The following DHRS12 variants were observed in gnomAD, a reference collection of about 807,000 sequenced individuals.
The protein encoded by DHRS12 is dehydrogenase/reductase 12, also known as dehydrogenase/reductase SDR family member 12.
In DHRS12, 29 loss-of-function variants were observed where a neutral mutation model predicts 32.1. That is an observed-to-expected ratio of 0.90 (90% CI 0.67 to 1.23). DHRS12 has a LOEUF of 1.23. DHRS12 is among the 50% of genes most tolerant of loss of function. DHRS12 has a pLI of 0.00. For synonymous variants in DHRS12, 150 were observed against 135.9 expected, an observed-to-expected ratio of 1.10 and a Z score of -0.72; for missense variants, 330 against 337.2, an observed-to-expected ratio of 0.98 and a Z score of 0.17.
At chr13:51,763,191 C>G (rs1159290626), downstream of DHRS12, 1 of 152,130 alleles carries the variant, frequency 6.6e-6, no homozygotes, top group East Asian at 1.9e-4. Context: ...TTGAACATTA[C>G]TTAGTAATGG....
At chr13:51,803,372 T>G (rs901463360) in intron 1 of DHRS12, among the ~76,000 whole-genome samples, 9 of 152,236 alleles carry the variant, frequency 5.9e-5, no homozygotes, top group Admixed American at 5.9e-4. Context: ...CGCCCAGTGA[T>G]TCTGATGTGC....
downstream of DHRS12, chr13:51,767,129 T>G (rs9596570): frequency 1.3e-5 from 2 of 152,228 alleles, no homozygotes; most frequent in Non-Finnish European, 2.9e-5. Flanking sequence ...ACTTGTGAGG[T>G]TCATTTTATG....
chr13:51,797,842 C>T (rs1379925765), intron 2 of DHRS12: 2 of 1,535,450 alleles, frequency 1.3e-6, no homozygotes, highest in Non-Finnish European at 1.7e-6. Context: ...ACCGCTCTCC[C>T]GGATGATCTC....
chr13:51,767,781 CG>C (rs71085096), downstream of DHRS12: 64 of 4,690 alleles, frequency 0.014, 2 homozygotes, highest in African/African-American at 0.042. Context: ...TCTCCTGGGG[CG>C]GGGGGGGGGG....
Position 51,774,034 on chromosome 13 carries a change from T to A in DHRS12, c.364A>T (p.Ile122Leu). The change falls in exon 6 of 9, where the codon ATA becomes TTA. Residue 122 changes from isoleucine to leucine, a missense_variant and splice_region_variant. Ile to Leu is a conservative substitution (Grantham distance 5). Coordinates refer to ENST00000444610, the MANE Select transcript of DHRS12 (RefSeq NM_001377533.1). ...VLEKEHDPRV[I>L]TVSSGGMLVQ... ...AACATTCCTCCTGAGGAGACGGTTATCTGCAATAAAGGTAACAGAGATTTA... is the reference window on the plus strand; with the variant it reads ...AACATTCCTCCTGAGGAGACGGTTAACTGCAATAAAGGTAACAGAGATTTA... 3.1e-6 allele frequency: 5 copies of A among 1,613,496 alleles called. No homozygotes were observed. Among genetic ancestry groups the A allele is most frequent in the Non-Finnish European group, 4.2e-6 (5 of 1,179,540 alleles).
chr13:51,797,404 A>G (rs1184002291), intron 2 of DHRS12, among the ~76,000 whole-genome samples: 2 of 152,196 alleles, frequency 1.3e-5, no homozygotes, highest in Non-Finnish European at 2.9e-5. Flanking sequence ...TCGTGTCAGA[A>G]AGTAGCTCTC....
chr13:51,796,838 T>A (rs1425168587), intron 2 of DHRS12, among the ~76,000 whole-genome samples: 1 of 152,144 alleles, frequency 6.6e-6, no homozygotes, highest in Non-Finnish European at 1.5e-5. Context: ...GCACTAAGCC[T>A]CTGTAAGGCA....
chr13:51,804,067 G>C lies in DHRS12; in HGVS notation c.-22C>G. ...GCGCCGCCTTACTTGGTGTACTCGC[G>C]CAGCCCCTTGGCGAACCACACGACG... On this transcript the variant is annotated 5_prime_UTR_variant, in exon 1 of 9. Transcript: ENST00000444610. 6.7e-7 allele frequency: 1 copy of C among 1,488,382 alleles called. No homozygotes were observed. The highest frequency in any genetic ancestry group is 8.9e-7 in the Non-Finnish European group (1 of 1,126,036). The allele number at this position is 1,488,382 out of a possible 1,614,324, so 92.2% of individuals were successfully genotyped here. A position where few individuals can be genotyped will look rare whatever the true frequency, so the allele number is the denominator to read the frequency against.
At chr13:51,767,356 T>A (rs1387355415), downstream of DHRS12, 1 of 152,238 alleles carries the variant, frequency 6.6e-6, no homozygotes, top group Non-Finnish European at 1.5e-5. Flanking sequence ...AAGACGCTGA[T>A]GTTTCAGGCT....
intron 2 of DHRS12, among the ~76,000 whole-genome samples, chr13:51,795,862 C>G (rs1051906270): frequency 1.3e-5 from 2 of 152,142 alleles, no homozygotes; most frequent in African/African-American, 2.4e-5. Flanking sequence ...CCTTGGGGTT[C>G]ATACTATTTG....
chr13:51,769,041 AC>A, intron 8 of DHRS12, 114 bp downstream of exon 8: 4 of 1,469,000 alleles, frequency 2.7e-6, no homozygotes, highest in East Asian at 2.7e-5. Flanking sequence ...AAGCCCAGGC[AC>A]CCCCCAGGGG....
At chr13:51,768,823 C>T (rs1953874115) in intron 8 of DHRS12, 1 of 1,292,826 alleles carries the variant, frequency 7.7e-7, no homozygotes. Flanking sequence ...GTCCGTTACT[C>T]CCTTTGCAGT....
intron 7 of DHRS12, 35 bp from the exon 8 acceptor site, chr13:51,769,328 C>A: frequency 2.1e-6 from 3 of 1,417,490 alleles, no homozygotes; most frequent in South Asian, 1.5e-5. Context: ...ATTAGGACAG[C>A]ATTCTCCAGC....
chr13:51,798,473 G>A (rs989918116), intron 2 of DHRS12, among the ~76,000 whole-genome samples: 3 of 152,148 alleles, frequency 2.0e-5, no homozygotes, highest in Admixed American at 1.3e-4. Flanking sequence ...TGCCTTCGCC[G>A]TGGCAGCTAA....
chr13:51,772,857 G>A, intron 6 of DHRS12: 3 of 985,456 alleles, frequency 3.0e-6, no homozygotes, highest in South Asian at 4.7e-5. Flanking sequence ...GGAGTCATGA[G>A]ATGTAATTCA....
chr13:51,759,980 G>T, the DHRS12 span: 2 of 503,362 alleles, frequency 4.0e-6, no homozygotes, highest in South Asian at 8.3e-5. Context: ...CAATATAAAA[G>T]AAGCTATTTT....
At chr13:51,776,062 T>TCCTATGGTTCTGGAGCCCAGAAGTCCG in intron 5 of DHRS12, 3 of 106,704 alleles carry the variant, frequency 2.8e-5, no homozygotes, top group African/African-American at 1.2e-4. Flanking sequence ...ACATGTATTC[T>TCCTATGGTTCTGGAGCCCAGAAGTCCG]ACAGTATTCT....
chr13:51,780,178 AAAATAAAT>A (rs57632376), intron 4 of DHRS12, among the ~76,000 whole-genome samples: 66 of 151,142 alleles, frequency 4.4e-4, no homozygotes, highest in Admixed American at 9.9e-4. Flanking sequence ...TTCCATCTCA[AAAATAAAT>A]AAATAAATAA....
At chr13:51,784,617 A>G (rs888254582) in intron 4 of DHRS12, among the ~76,000 whole-genome samples, 1 of 152,156 alleles carries the variant, frequency 6.6e-6, no homozygotes, top group African/African-American at 2.4e-5. Context: ...GGAGCCTTGA[A>G]GGTTTGTGAG....
Sources: allele counts gnomAD v4.1 joint callset (sites outside exome capture counted in the v4.1 genomes callset), GRCh38; gene constraint gnomAD v4.1.1; transcripts MANE v1.5; gene names NCBI Gene and HGNC (gene_info 2026-07-23, HGNC 2026-07-21).